The following BOD1L1 variants were observed in gnomAD, a reference collection of about 807,000 sequenced individuals.
BOD1L1 encodes biorientation of chromosomes in cell division protein 1-like 1.
Under a neutral mutation model 240.7 loss-of-function variants are expected in BOD1L1, and 86 were observed. The observed-to-expected ratio is 0.36, with a 90% CI of 0.30 to 0.43. The LOEUF (loss-of-function observed/expected upper bound fraction) is 0.43. BOD1L1 is among the 20% of genes least tolerant of loss of function. The probability of loss-of-function intolerance (pLI) is 1.00; values close to 1 mark genes in which losing one functional copy is unlikely to be tolerated. For missense variants in BOD1L1, 3,554 were observed against 3,643.5 expected, an observed-to-expected ratio of 0.98 and a Z score of 0.63; for synonymous variants, 1,268 against 1,272.3, an observed-to-expected ratio of 1.00 and a Z score of 0.07.
In BOD1L1 at chr4:13,604,841, T is replaced by G. The variant is rs1279697933; in HGVS notation, c.2059A>C (p.Thr687Pro). 2 of 1,611,824 alleles carry G rather than the reference T, an allele frequency of 1.2e-6. No individual in the cohort carries two copies. The highest frequency in any genetic ancestry group is 8.5e-7 in the Non-Finnish European group (1 of 1,179,466). Residue 687 changes from threonine to proline, a missense_variant, in exon 10 of 26, where the codon ACC (threonine) becomes CCC (proline). Physicochemically the swap from Thr to Pro is conservative, Grantham distance 38. Transcript: ENST00000040738. ...CTTTTCTGTTTCTGGGGCTCTTCGGTGCAAATTTCTGAGCGTTCTACTTGC... is the reference window on the plus strand; with the variant it reads ...CTTTTCTGTTTCTGGGGCTCTTCGGGGCAAATTTCTGAGCGTTCTACTTGC... ...KRQVERSEIC[T>P]EEPQKQKSTL...
Position 13,591,925 on chromosome 4 carries a change from T to G in BOD1L1, c.8146A>C (p.Asn2716His), listed in dbSNP as rs915571848. ...REPLLVNESLNVENSGFRTNE... is the reference protein window; with the variant it reads ...REPLLVNESLHVENSGFRTNE... ...TCAAAACCATTACAGTGACTTACAT[T>G]TAGTGATTCATTCACCAACAAAGGC... Residue 2716 changes from asparagine to histidine, a missense_variant and splice_region_variant, in exon 13 of 26, where the codon AAT becomes CAT. Coordinates refer to ENST00000040738, the MANE Select transcript of BOD1L1 (RefSeq NM_148894.3). The G allele has an allele frequency of 6.4e-7, 1 of 1,561,354 alleles. No individual in the cohort carries two copies. The highest frequency in any genetic ancestry group is 1.4e-5 in the African/African-American group (1 of 73,278).
At chr4:13,579,398 G>A (rs767235276) in intron 22 of BOD1L1, among the ~76,000 whole-genome samples, 13 of 152,154 alleles carry the variant, frequency 8.5e-5, no homozygotes, top group Non-Finnish European at 1.3e-4. Context: ...AGTTAAATGT[G>A]GAAACAACTA....
intron 25 of BOD1L1, among the ~76,000 whole-genome samples, chr4:13,572,222 T>C: frequency 6.6e-6 from 1 of 152,052 alleles, no homozygotes; most frequent in East Asian, 1.9e-4. Context: ...GTGCTGGTGG[T>C]GAGGACACTC....
At chr4:13,619,901 G>A in intron 2 of BOD1L1, 42 bp downstream of exon 2, 7 of 1,600,248 alleles carry the variant, frequency 4.4e-6, no homozygotes, top group Non-Finnish European at 6.0e-6. Context: ...AAGTAGGTTA[G>A]GACATTTAAA....
intron 3 of BOD1L1, 38 bp from the exon 4 acceptor site, chr4:13,614,848 A>G: frequency 1.3e-6 from 2 of 1,537,540 alleles, no homozygotes; most frequent in Non-Finnish European, 1.7e-6. Flanking sequence ...ACATTTAATC[A>G]GAAGGAAAAT....
chr4:13,590,312 C>A, intron 14 of BOD1L1, 74 bp downstream of exon 14: 1 of 706,348 alleles, frequency 1.4e-6, no homozygotes, highest in Non-Finnish European at 2.3e-6. Context: ...TAACACAAGG[C>A]CTGGTATACA....
At chr4:13,582,622 T>C in intron 18 of BOD1L1, 30 bp downstream of exon 18, 1 of 1,523,174 alleles carries the variant, frequency 6.6e-7, no homozygotes, top group Non-Finnish European at 9.1e-7. Context: ...GAAGGCTCAG[T>C]CAATTTACCC....
In BOD1L1 at chr4:13,569,836, C is replaced by A; in HGVS notation, c.*175G>T. Reference sequence around the variant, plus strand: ...CTGAAATAAATGTACATAATATCTTCTATGAACAATAGTTTATAAAGCTGT... The same window carrying A: ...CTGAAATAAATGTACATAATATCTTATATGAACAATAGTTTATAAAGCTGT... On this transcript the variant is annotated 3_prime_UTR_variant, in exon 26 of 26. Transcript: ENST00000040738. 2.5e-6 allele frequency: 1 copy of A among 406,338 alleles called. No individual in the cohort carries two copies. The allele number at this position is 406,338 out of a possible 1,614,324, so 25.2% of individuals were successfully genotyped here.
Position 13,608,222 on chromosome 4 carries a change from G to A in BOD1L1, c.1742+308C>T, listed in dbSNP as rs574882071. Among the ~76,000 whole-genome samples the A allele has an allele frequency of 3.9e-5, 6 of 152,246 alleles. No individual in the cohort carries two copies. In the East Asian group the frequency reaches 9.6e-4, roughly 24 times the overall value. On this transcript the variant is annotated intron_variant, in intron 8 of 25. Coordinates refer to ENST00000040738, the MANE Select transcript of BOD1L1 (RefSeq NM_148894.3). ...GAATACCTCCAGGGAACTTCTAGAG[G>A]ATTCATAAACTCTTAAAGTCTAGGG...
intron 13 of BOD1L1, among the ~76,000 whole-genome samples, chr4:13,591,122 C>T (rs1485451411): frequency 6.6e-6 from 1 of 151,900 alleles, no homozygotes; most frequent in Admixed American, 6.6e-5. Flanking sequence ...CCAGGCTGGA[C>T]CCAAACTCCT....
rs373703210 is a variant in BOD1L1, at chr4:13,590,412, A to G, written c.8183T>C (p.Ile2728Thr). 8 of 1,519,032 alleles carry G rather than the reference A, an allele frequency of 5.3e-6. No homozygotes were observed. The highest frequency in any genetic ancestry group is 7.2e-6 in the Non-Finnish European group (8 of 1,108,550). The allele number at this position is 1,519,032 out of a possible 1,614,324, so 94.1% of individuals were successfully genotyped here. The change falls in exon 14 of 26, where the codon ATT becomes ACT. Residue 2728 changes from isoleucine (I) to threonine (T), a missense_variant. By Grantham distance (89) the Ile-to-Thr change is moderately conservative (BLOSUM62 -1). This residue lies in a region of BOD1L1 where 3,393 missense variants were observed against 3,427.1 expected (regional missense o/e 0.99). Coordinates refer to ENST00000040738, the MANE Select transcript of BOD1L1 (RefSeq NM_148894.3). Reference sequence around the variant, plus strand: ...TCCTTTGTTATAAGATTCGCTATGAATTTCTTCATTTGTTCTGAAGCCTGA... The same window carrying G: ...TCCTTTGTTATAAGATTCGCTATGAGTTTCTTCATTTGTTCTGAAGCCTGA... Reference protein sequence around the residue: ...ENSGFRTNEEIHSESYNKGEI... With the variant: ...ENSGFRTNEETHSESYNKGEI...
At position 13,600,131 on chromosome 4, in the gene BOD1L1, A is replaced by C; in HGVS notation, c.6769T>G (p.Ser2257Ala). 1.9e-6 allele frequency: 3 copies of C among 1,613,938 alleles called. No homozygotes were observed. The highest frequency in any genetic ancestry group is 2.5e-6 in the Non-Finnish European group (3 of 1,179,882). ...TCACAGTCTTCCACCGAGCTCGTAG[A>C]GATGATGCCACTCCCGTCTTTTTCT... The part of the protein sequence containing the change: ...MEEKDGSGII[S>A]TSSVEDCEGP... The change falls in exon 10 of 26, where the codon TCT (serine) becomes GCT (alanine). Residue 2257 changes from serine to alanine, a missense_variant. By Grantham distance (99) the Ser-to-Ala change is moderately conservative (BLOSUM62 1). Transcript: ENST00000040738.
At chr4:13,619,130 C>A (rs1716839234) in intron 2 of BOD1L1, among the ~76,000 whole-genome samples, 1 of 151,964 alleles carries the variant, frequency 6.6e-6, no homozygotes. Context: ...GGAGACCAGT[C>A]TGGGCAACAT....
intron 1 of BOD1L1, 38 bp from the exon 2 acceptor site, chr4:13,620,105 T>C (rs187339259): frequency 7.7e-6 from 12 of 1,558,494 alleles, no homozygotes; most frequent in Admixed American, 5.8e-5. Context: ...TTCAAGGTTA[T>C]ACAGTATCAA....
chr4:13,593,327 G>A (rs1714367586), intron 12 of BOD1L1: 2 of 151,956 alleles, frequency 1.3e-5, no homozygotes, highest in African/African-American at 2.4e-5. Context: ...TAGAAACCCC[G>A]AGGCCATTAA....
Position 13,603,671 on chromosome 4 carries a change from T to G in BOD1L1, c.3229A>C (p.Ser1077Arg), listed in dbSNP as rs1319923764. ...SRRLCENRRG[S>R]LSQEMAKGEE... The stretch of plus-strand genomic sequence containing the variant: ...CCTTTGGCCATTTCTTGTGACAAGC[T>G]TCCTCTCCGATTTTCGCACAACCTT... Residue 1077 changes from serine (S) to arginine (R), a missense_variant, in exon 10 of 26, where the codon AGC becomes CGC. By Grantham distance (110) the Ser-to-Arg change is moderately radical. Coordinates refer to ENST00000040738, the MANE Select transcript of BOD1L1 (RefSeq NM_148894.3). 1 of 1,614,008 alleles carries G rather than the reference T, an allele frequency of 6.2e-7. No homozygotes were observed. Among genetic ancestry groups the G allele is most frequent in the Admixed American group, 1.7e-5 (1 of 60,022 alleles).
At position 13,597,862 on chromosome 4, in the gene BOD1L1, TA is replaced by T. The variant is rs199522275; in HGVS notation, c.7955-695del. 7.6e-4 allele frequency among the ~76,000 whole-genome samples: 116 copies of T among 152,342 alleles called. No individual in the cohort carries two copies. The East Asian group carries it at 0.019, about 25-fold the overall frequency. ...TTGTTTCAACCCTTGGAGCATTTCT[TA>T]AAGTCTCCTAAGTCTCTATAATGAA... On this transcript the variant is annotated intron_variant, in intron 10 of 25. Coordinates refer to ENST00000040738, the MANE Select transcript of BOD1L1 (RefSeq NM_148894.3).
At position 13,600,178 on chromosome 4, in the gene BOD1L1, T is replaced by C. The variant is rs752281323; in HGVS notation, c.6722A>G (p.Glu2241Gly). The C allele has an allele frequency of 6.2e-7, 1 of 1,613,976 alleles. No individual in the cohort carries two copies. The highest frequency in any genetic ancestry group is 1.1e-5 in the South Asian group (1 of 91,080). ...TTCTTCCATGACTGTGCCAGCTCGC[T>C]CATTTTCACTTTCAACAACTACACC... is the stretch of plus-strand genomic sequence containing the variant. Reference protein sequence around the residue: ...VSGVVVESENERAGTVMEEKD... With the variant: ...VSGVVVESENGRAGTVMEEKD... The change falls in exon 10 of 26, where the codon GAG (glutamate) becomes GGG (glycine). Residue 2241 changes from glutamate (E) to glycine (G), a missense_variant. Around this residue, in one of 2 missense-constraint regions of BOD1L1, gnomAD observed 3,393 missense variants for 3,427.1 expected, o/e 0.99. Coordinates refer to ENST00000040738, the MANE Select transcript of BOD1L1 (RefSeq NM_148894.3).
chr4:13,574,140 C>A (rs1256910578), intron 25 of BOD1L1, among the ~76,000 whole-genome samples: 7 of 152,134 alleles, frequency 4.6e-5, no homozygotes, highest in Admixed American at 4.6e-4. Context: ...AGAGTAGAAG[C>A]CACAGGGAGG....
Sources: allele counts gnomAD v4.1 joint callset (sites outside exome capture counted in the v4.1 genomes callset), GRCh38; gene constraint gnomAD v4.1.1; regional missense constraint gnomAD v4.1.1; transcripts MANE v1.5; gene names NCBI Gene and HGNC (gene_info 2026-07-23, HGNC 2026-07-21).